RBFOX3: variants seen among roughly 807,000 people sequenced by gnomAD.
The protein encoded by RBFOX3 is RNA binding fox-1 homolog 3.
RBFOX3 carries 17 observed loss-of-function variants against 48.7 expected under a neutral mutation model. The ratio of observed to expected loss-of-function variants is 0.35; its 90% CI spans 0.24 to 0.52. The LOEUF (loss-of-function observed/expected upper bound fraction) is 0.52. Ranked by LOEUF, RBFOX3 falls within the 20% of genes least tolerant of loss-of-function variation. The pLI, the probability that RBFOX3 is intolerant of heterozygous loss-of-function variation, is 0.94. For missense variants in RBFOX3, 382 were observed against 497.5 expected, an observed-to-expected ratio of 0.77 and a Z score of 2.21; for synonymous variants, 212 against 209.5, an observed-to-expected ratio of 1.01 and a Z score of -0.10.
chr17:79,154,725 T>C (rs2612778), intron 4 of RBFOX3, among the ~76,000 whole-genome samples: 104,872 of 152,248 alleles, frequency 0.69, 36,357 homozygotes, highest in Non-Finnish European at 0.71. Context: ...GCCTTGGAGC[T>C]GCTGGCCCCT....
chr17:79,638,153 C>A, the RBFOX3 span, among the ~76,000 whole-genome samples: 3 of 151,500 alleles, frequency 2.0e-5, no homozygotes, highest in Non-Finnish European at 4.4e-5. Context: ...AGAAAGATTC[C>A]AAATAAACAA....
intron 4 of RBFOX3, among the ~76,000 whole-genome samples, chr17:79,169,059 G>GC (rs1294144270): frequency 6.6e-6 from 1 of 152,220 alleles, no homozygotes; most frequent in African/African-American, 2.4e-5. Flanking sequence ...CTTCCAAACA[G>GC]CCCCCTGGCC....
At chr17:79,386,699 C>T (rs1222945752) in intron 2 of RBFOX3, among the ~76,000 whole-genome samples, 1 of 152,238 alleles carries the variant, frequency 6.6e-6, no homozygotes, top group Non-Finnish European at 1.5e-5. Context: ...CTTGGCCCCG[C>T]TGTTCCCTGC....
At chr17:79,320,206 G>A (rs887343712) in intron 2 of RBFOX3, among the ~76,000 whole-genome samples, 1 of 152,200 alleles carries the variant, frequency 6.6e-6, no homozygotes, top group East Asian at 1.9e-4. Context: ...ACCACTGCTG[G>A]TGTGTCTCCT....
intron 1 of RBFOX3, among the ~76,000 whole-genome samples, chr17:79,495,837 C>T (rs1388904054): frequency 2.0e-5 from 3 of 150,812 alleles, no homozygotes; most frequent in African/African-American, 4.9e-5. Flanking sequence ...GGGGTGTAGG[C>T]GGTGGACGGG....
rs2074937788 is a variant in RBFOX3, at chr17:79,299,314, A to C, written c.-74+8410T>G. The stretch of plus-strand genomic sequence containing the variant: ...CTCAAAATTCCTGTGTTGAAGTCCT[A>C]ACCACTGGTTCCTTAAAATGGGACT... On this transcript the variant is annotated intron_variant, in intron 3 of 14. Coordinates refer to ENST00000693108, the MANE Select transcript of RBFOX3 (RefSeq NM_001350451.2). The surrounding 1 kb of genome is among the most constrained non-coding windows in gnomAD (Gnocchi z 4.5). Among the ~76,000 whole-genome samples, 1 of 152,088 alleles carries C rather than the reference A, an allele frequency of 6.6e-6. No homozygotes were observed. The highest frequency in any genetic ancestry group is 6.5e-5 in the Admixed American group (1 of 15,280).
intron 4 of RBFOX3, among the ~76,000 whole-genome samples, chr17:79,193,447 C>A (rs1470759989): frequency 1.3e-5 from 2 of 152,164 alleles, no homozygotes; most frequent in African/African-American, 4.8e-5. Flanking sequence ...CTCACCTCCC[C>A]CCGCCAACCC....
At chr17:79,413,734 C>A (rs1037119881) in intron 2 of RBFOX3, among the ~76,000 whole-genome samples, 1 of 152,180 alleles carries the variant, frequency 6.6e-6, no homozygotes, top group Admixed American at 6.5e-5. Context: ...GCCGCGAGCC[C>A]ACAGGGTCCA....
At chr17:79,605,515 C>A (rs1238541735) in intron 1 of RBFOX3, among the ~76,000 whole-genome samples, 2 of 152,142 alleles carry the variant, frequency 1.3e-5, no homozygotes, top group East Asian at 3.9e-4. Context: ...GAGACCTGCG[C>A]ATACAGAGCT....
chr17:79,385,588 G>A (rs1165610527), intron 2 of RBFOX3, among the ~76,000 whole-genome samples: 1 of 152,186 alleles, frequency 6.6e-6, no homozygotes. Flanking sequence ...CAAAGACAGA[G>A]GTTCGCTCTC....
the RBFOX3 span, among the ~76,000 whole-genome samples, chr17:79,627,960 C>T: frequency 3.3e-5 from 5 of 151,524 alleles, no homozygotes; most frequent in African/African-American, 9.7e-5. Context: ...GTTTGAGCCC[C>T]CATCACTCCC....
At position 79,570,025 on chromosome 17, in the gene RBFOX3, T is replaced by G. The variant is rs1021109994; in HGVS notation, c.-320+40801A>C. ...AGATGAGTTATAGATGGATGGTATA[T>G]GAACAGATGAATTATGGATGGATGG... On this transcript the variant is annotated intron_variant, in intron 1 of 14. Transcript: ENST00000693108. 5.3e-3 allele frequency among the ~76,000 whole-genome samples: 798 copies of G among 150,258 alleles called. 6 individuals carry two copies. The highest frequency in any genetic ancestry group is 7.5e-3 in the Non-Finnish European group (511 of 67,774).
chr17:79,451,923 C>G (rs1225693744), intron 2 of RBFOX3, among the ~76,000 whole-genome samples: 1 of 152,186 alleles, frequency 6.6e-6, no homozygotes, highest in African/African-American at 2.4e-5. Flanking sequence ...CCACAGCATC[C>G]CTGCCACCCA....
chr17:79,430,648 G>A (rs191307479), intron 2 of RBFOX3, among the ~76,000 whole-genome samples: 1 of 152,188 alleles, frequency 6.6e-6, no homozygotes, highest in East Asian at 1.9e-4. Flanking sequence ...GGGTTCAAGC[G>A]ATTCTCCTGC....
chr17:79,414,629 A>T (rs1022581888), intron 2 of RBFOX3, among the ~76,000 whole-genome samples: 1 of 152,048 alleles, frequency 6.6e-6, no homozygotes, highest in African/African-American at 2.4e-5. Context: ...CAGGCTGCGG[A>T]CTCAGAAACA....
At chr17:79,305,119 AT>A (rs1381517775) in intron 3 of RBFOX3, among the ~76,000 whole-genome samples, 2 of 152,064 alleles carry the variant, frequency 1.3e-5, no homozygotes, top group Admixed American at 1.3e-4. Flanking sequence ...AGCTCTGGCT[AT>A]TTTTAGTCAA....
chr17:79,540,680 T>G (rs2089555676), intron 1 of RBFOX3, among the ~76,000 whole-genome samples: 1 of 152,228 alleles, frequency 6.6e-6, no homozygotes, highest in African/African-American at 2.4e-5. Context: ...AGCGGGGAGC[T>G]ACACTCGGGC....
At chr17:79,583,028 G>A (rs1381662145) in intron 1 of RBFOX3, among the ~76,000 whole-genome samples, 1 of 152,186 alleles carries the variant, frequency 6.6e-6, no homozygotes, top group African/African-American at 2.4e-5. Flanking sequence ...GGGCACTGCA[G>A]GGGACAGGCA....
the RBFOX3 span, among the ~76,000 whole-genome samples, chr17:79,618,220 C>T: frequency 4.6e-5 from 7 of 152,142 alleles, no homozygotes; most frequent in Non-Finnish European, 1.0e-4. Flanking sequence ...GTGGAAATAG[C>T]AAAGGTTTTC....
Sources: gnomAD v4.1 joint callset for allele counts (sites outside exome capture counted in the v4.1 genomes callset) on GRCh38, gnomAD v4.1.1 for gene constraint, Gnocchi (gnomAD v3.1) non-coding constraint, MANE v1.5 for transcripts, NCBI Gene and HGNC (gene_info 2026-07-23, HGNC 2026-07-21) for gene names.